PREP: variants seen among roughly 807,000 people sequenced by gnomAD.
PREP encodes the protein dJ355L5.1 (prolyl endopeptidase).
Under a neutral mutation model 87.6 loss-of-function variants are expected in PREP, and 29 were observed. That is an observed-to-expected ratio of 0.33 (90% CI 0.25 to 0.45). The LOEUF is 0.45. PREP is among the 20% of genes least tolerant of loss of function. The probability of loss-of-function intolerance (pLI) is 1.00; values close to 1 mark genes in which losing one functional copy is unlikely to be tolerated. For synonymous variants in PREP, 337 were observed against 328.6 expected (o/e 1.03, Z -0.28); for missense variants, 695 against 886.5 (o/e 0.78, Z 2.74).
At chr6:105,321,498 T>C (rs1274406251) in intron 10 of PREP, among the ~76,000 whole-genome samples, 1 of 152,242 alleles carries the variant, frequency 6.6e-6, no homozygotes, top group Non-Finnish European at 1.5e-5. Context: ...GGCTGTTAGG[T>C]TTGTATTCCA....
At chr6:105,283,171 T>C (rs147705290) in intron 12 of PREP, among the ~76,000 whole-genome samples, 51 of 152,282 alleles carry the variant, frequency 3.3e-4, no homozygotes, top group African/African-American at 1.1e-3. Flanking sequence ...ACAAAAGGAA[T>C]TGGGTGGTGA....
At position 105,397,880 on chromosome 6, in the gene PREP, A is replaced by T; in HGVS notation, c.93T>A (p.Leu31=). The T allele has an allele frequency of 6.2e-7, 1 of 1,612,952 alleles. No individual in the cohort carries two copies. The highest frequency in any genetic ancestry group is 1.3e-5 in the African/African-American group (1 of 75,026). Residue 31 remains leucine, a synonymous_variant, in exon 2 of 15, where the codon CTT becomes CTA. Coordinates refer to ENST00000652536, the MANE Select transcript of PREP (RefSeq NM_002726.5). ...GHKICDPYAW[L]EDPDSEQTKA... is the part of the protein sequence containing the mutation. ...TAGTCTGTTCACTGTCGGGGTCTTC[A>T]AGCCAGGCGTAAGGGTCACAAATTT...
At position 105,276,380 on chromosome 6, in the gene PREP, T is replaced by G. The variant is rs1419334621; in HGVS notation, c.*1764A>C. ...TGTATTTTCTGCTGTAAAGCAGACCTCAGAAAGTATGGTTAGATTCTGTGC... is the reference window on the plus strand; with the variant it reads ...TGTATTTTCTGCTGTAAAGCAGACCGCAGAAAGTATGGTTAGATTCTGTGC... On this transcript the variant is annotated 3_prime_UTR_variant, in exon 15 of 15. Coordinates refer to ENST00000652536, the MANE Select transcript of PREP (RefSeq NM_002726.5). Among the ~76,000 whole-genome samples the G allele has an allele frequency of 6.6e-6, 1 of 152,236 alleles. No homozygotes were observed. The highest frequency in any genetic ancestry group is 1.5e-5 in the Non-Finnish European group (1 of 68,038).
rs1769874785 is a variant in PREP, at chr6:105,273,789, CCT to C, written c.*4353_*4354del. 6.5e-6 allele frequency: 1 copy of C among 153,344 alleles called. No individual in the cohort carries two copies. The highest frequency in any genetic ancestry group is 2.4e-5 in the African/African-American group (1 of 41,478). 9.5% of individuals were successfully genotyped at this position (153,344 alleles called of 1,614,324 possible). ...GTATCCTCCAGGCCTCGCCTGGCTC[CCT>C]GTTCCCCCCACACTGGCTTCCTGCT... On this transcript the variant is annotated 3_prime_UTR_variant, in exon 15 of 15. Transcript: ENST00000652536.
chr6:105,274,916 C>CA lies in PREP; in HGVS notation c.*3227dup, dbSNP rs2114604487. 6.6e-6 allele frequency among the ~76,000 whole-genome samples: 1 copy of CA among 152,320 alleles called. No homozygotes were observed. The highest frequency in any genetic ancestry group is 6.5e-5 in the Admixed American group (1 of 15,300). Reference sequence around the variant, plus strand: ...GTGTGAGGACAAACATTCATCCACACAGAGTGCTTGCAGCGGGTGGCACAG... The same window carrying CA: ...GTGTGAGGACAAACATTCATCCACACAAGAGTGCTTGCAGCGGGTGGCACAG... On this transcript the variant is annotated 3_prime_UTR_variant, in exon 15 of 15. Transcript: ENST00000652536.
chr6:105,337,919 C>CA (rs1385970565), intron 7 of PREP, among the ~76,000 whole-genome samples: 1 of 152,112 alleles, frequency 6.6e-6, no homozygotes, highest in Non-Finnish European at 1.5e-5. Flanking sequence ...TATCCAGTGA[C>CA]AAACTACTAA....
chr6:105,324,557 A>G (rs2114647683), intron 9 of PREP, among the ~76,000 whole-genome samples: 1 of 152,370 alleles, frequency 6.6e-6, no homozygotes, highest in African/African-American at 2.4e-5. Flanking sequence ...AGAATTAGTC[A>G]TCCACAGAGT....
chr6:105,301,010 C>T (rs905824781), intron 10 of PREP, among the ~76,000 whole-genome samples: 4 of 152,234 alleles, frequency 2.6e-5, no homozygotes, highest in Non-Finnish European at 4.4e-5. Flanking sequence ...TTAAGACGCA[C>T]GAATGTGCAA....
At chr6:105,350,289 A>C (rs1771914163) in intron 7 of PREP, among the ~76,000 whole-genome samples, 1 of 152,160 alleles carries the variant, frequency 6.6e-6, no homozygotes, top group Admixed American at 6.5e-5. Context: ...TTGCATTTTC[A>C]TTATTCCTCA....
chr6:105,342,485 C>A (rs965881771), intron 7 of PREP, among the ~76,000 whole-genome samples: 1 of 152,176 alleles, frequency 6.6e-6, no homozygotes, highest in Admixed American at 6.5e-5. Flanking sequence ...GACAGGGATG[C>A]CCTCTCTCGC....
At chr6:105,352,271 A>G (rs920132667) in intron 7 of PREP, among the ~76,000 whole-genome samples, 2 of 152,212 alleles carry the variant, frequency 1.3e-5, no homozygotes, top group Non-Finnish European at 2.9e-5. Flanking sequence ...TGTGCAGCTG[A>G]AAAGTTTTTG....
intron 7 of PREP, among the ~76,000 whole-genome samples, chr6:105,341,553 G>A (rs1363053919): frequency 6.6e-6 from 1 of 152,030 alleles, no homozygotes; most frequent in African/African-American, 2.4e-5. Flanking sequence ...AGAACTGAAG[G>A]AGATAGAGAC....
intron 1 of PREP, among the ~76,000 whole-genome samples, chr6:105,401,507 G>A (rs1392531615): frequency 6.6e-6 from 1 of 152,232 alleles, no homozygotes; most frequent in Admixed American, 6.5e-5. Context: ...GCTGCTAAAA[G>A]TCACCTAACT....
chr6:105,309,026 T>C (rs1770706148), intron 10 of PREP, among the ~76,000 whole-genome samples: 1 of 148,804 alleles, frequency 6.7e-6, no homozygotes, highest in Admixed American at 6.7e-5. Flanking sequence ...AGGGGTGGAG[T>C]GGGTGAGTAC....
At chr6:105,367,656 A>G (rs1475654636) in intron 6 of PREP, among the ~76,000 whole-genome samples, 1 of 147,680 alleles carries the variant, frequency 6.8e-6, no homozygotes, top group Non-Finnish European at 1.5e-5. Context: ...TGGGCGACAG[A>G]GCGAGACTCC....
At chr6:105,341,718 T>A (rs1233318528) in intron 7 of PREP, among the ~76,000 whole-genome samples, 2 of 152,144 alleles carry the variant, frequency 1.3e-5, no homozygotes, top group African/African-American at 2.4e-5. Flanking sequence ...TCACCACTGA[T>A]CCCACAGAAA....
In PREP at chr6:105,402,968, A is replaced by C; in HGVS notation, c.-77T>G. ...ACCTGAGCTAGCCGGGCTGGCCGCG[A>C]GGCGCGGCTGGGGCGCAGGCAGCTG... On this transcript the variant is annotated 5_prime_UTR_variant, in exon 1 of 15. Transcript: ENST00000652536. 1 of 822,230 alleles carries C rather than the reference A, an allele frequency of 1.2e-6. No homozygotes were observed. The highest frequency in any genetic ancestry group is 1.7e-6 in the Non-Finnish European group (1 of 596,246). The allele number at this position is 822,230 out of a possible 1,614,324, so 50.9% of individuals were successfully genotyped here. A position where few individuals can be genotyped will look rare whatever the true frequency, so the allele number is the denominator to read the frequency against.
chr6:105,379,380 T>C (rs993022557), intron 2 of PREP, among the ~76,000 whole-genome samples: 10 of 152,206 alleles, frequency 6.6e-5, no homozygotes, highest in African/African-American at 1.7e-4. Flanking sequence ...AAGGAGGAAA[T>C]TGGATTTTGC....
intron 10 of PREP, among the ~76,000 whole-genome samples, chr6:105,300,247 G>A (rs893102457): frequency 2.6e-5 from 4 of 152,076 alleles, no homozygotes; most frequent in African/African-American, 4.8e-5. Flanking sequence ...TTTCAAAAGC[G>A]ATATTCCAGA....
Sources: allele counts gnomAD v4.1 joint callset (sites outside exome capture counted in the v4.1 genomes callset), GRCh38; gene constraint gnomAD v4.1.1; transcripts MANE v1.5; gene names NCBI Gene and HGNC (gene_info 2026-07-23, HGNC 2026-07-21).